STARD13: variants seen among roughly 807,000 people sequenced by gnomAD.
The protein encoded by STARD13 is StAR related lipid transfer domain containing 13, also known as stAR-related lipid transfer protein 13.
Under a neutral mutation model 106.4 loss-of-function variants are expected in STARD13, and 62 were observed. The ratio of observed to expected loss-of-function variants is 0.58; its 90% CI spans 0.48 to 0.72. The LOEUF (loss-of-function observed/expected upper bound fraction) is 0.72. Among genes scored for constraint, STARD13 ranks in the 30% least tolerant of loss-of-function variants. STARD13 has a pLI of 0.00. For missense variants in STARD13, 1,387 were observed against 1,424.0 expected, an observed-to-expected ratio of 0.97 and a Z score of 0.42; for synonymous variants, 565 against 553.0, an observed-to-expected ratio of 1.02 and a Z score of -0.31.
chr13:33,183,755 C>G (rs1258792209), intron 1 of STARD13, among the ~76,000 whole-genome samples: 1 of 152,082 alleles, frequency 6.6e-6, no homozygotes, highest in Admixed American at 6.6e-5. Context: ...GATTAGGTCA[C>G]CTTATGAGCA....
chr13:33,557,102 A>G, the STARD13 span, among the ~76,000 whole-genome samples: 1 of 152,188 alleles, frequency 6.6e-6, no homozygotes, highest in Non-Finnish European at 1.5e-5. Flanking sequence ...TTCACAAGAG[A>G]TAAGAAGTCT....
the STARD13 span, among the ~76,000 whole-genome samples, chr13:33,547,475 A>C: frequency 2.0e-5 from 3 of 152,232 alleles, no homozygotes; most frequent in African/African-American, 7.2e-5. Context: ...TAATTTTTAA[A>C]ATTACAGCAA....
At chr13:33,354,780 T>C (rs1006831326), upstream of STARD13, among the ~76,000 whole-genome samples, 7 of 151,838 alleles carry the variant, frequency 4.6e-5, no homozygotes, top group African/African-American at 1.7e-4. Context: ...TAAATATACA[T>C]ACTGATAATT....
At chr13:33,132,560 G>A (rs533979692) in intron 4 of STARD13, among the ~76,000 whole-genome samples, 13 of 152,232 alleles carry the variant, frequency 8.5e-5, no homozygotes, top group South Asian at 2.1e-4. Flanking sequence ...TATCAGCAGC[G>A]TGAAAAATGG....
chr13:33,666,140 T>A, the STARD13 span, among the ~76,000 whole-genome samples: 1 of 152,190 alleles, frequency 6.6e-6, no homozygotes, highest in Non-Finnish European at 1.5e-5. Flanking sequence ...AATCTCTAAA[T>A]GGAGGAAAAT....
the STARD13 span, among the ~76,000 whole-genome samples, chr13:33,499,630 TC>T: frequency 7.9e-6 from 1 of 126,896 alleles, no homozygotes; most frequent in Non-Finnish European, 1.6e-5. Context: ...TTCTTCTTCT[TC>T]TTCTTCTTCT....
exon 1 of STARD13, chr13:33,350,378 G>A (rs2078064076): frequency 6.5e-7 from 1 of 1,533,956 alleles, no homozygotes; most frequent in East Asian, 2.5e-5. Context: ...TGGATCTCCT[G>A]AGCTGCGTTT....
chr13:33,208,544 C>T (rs564845301), intron 1 of STARD13, among the ~76,000 whole-genome samples: 12 of 152,134 alleles, frequency 7.9e-5, no homozygotes, highest in East Asian at 1.9e-4. Flanking sequence ...TTCATACCAG[C>T]TCAGGTAGCA....
chr13:33,592,948 C>T, the STARD13 span, among the ~76,000 whole-genome samples: 1 of 152,018 alleles, frequency 6.6e-6, no homozygotes, highest in Non-Finnish European at 1.5e-5. Flanking sequence ...GACATCAGAG[C>T]TCAACATATC....
At chr13:33,621,955 C>T in the STARD13 span, among the ~76,000 whole-genome samples, 1 of 151,690 alleles carries the variant, frequency 6.6e-6, no homozygotes, top group Non-Finnish European at 1.5e-5. Flanking sequence ...CAGGTGCCCA[C>T]CACCACGCCC....
chr13:33,105,745 G>C, intron 13 of STARD13, 35 bp from the exon 14 acceptor site: 1 of 1,560,138 alleles, frequency 6.4e-7, no homozygotes, highest in Non-Finnish European at 8.8e-7. Flanking sequence ...AAGTGGGAAA[G>C]TTTGTTTCCA....
At chr13:33,444,428 A>G in the STARD13 span, among the ~76,000 whole-genome samples, 1 of 152,188 alleles carries the variant, frequency 6.6e-6, no homozygotes, top group African/African-American at 2.4e-5. Flanking sequence ...GGGTGGCTTC[A>G]GTTCCTTCTT....
intron 3 of STARD13, among the ~76,000 whole-genome samples, chr13:33,159,925 T>C (rs1299024601): frequency 2.6e-5 from 4 of 152,168 alleles, no homozygotes; most frequent in African/African-American, 9.7e-5. Context: ...GATACAGAGA[T>C]TCCACAAATC....
chr13:33,481,264 T>C, the STARD13 span, among the ~76,000 whole-genome samples: 3 of 152,274 alleles, frequency 2.0e-5, no homozygotes, highest in Non-Finnish European at 4.4e-5. Flanking sequence ...AATTCAAATA[T>C]ACTGCACTAA....
chr13:33,196,095 A>G (rs1176408801), intron 1 of STARD13, among the ~76,000 whole-genome samples: 1 of 152,258 alleles, frequency 6.6e-6, no homozygotes, highest in African/African-American at 2.4e-5. Flanking sequence ...AATATTTTTA[A>G]AGAATTAGGC....
intron 8 of STARD13, among the ~76,000 whole-genome samples, chr13:33,115,421 G>A (rs541983032): frequency 2.3e-4 from 35 of 152,228 alleles, no homozygotes; most frequent in Admixed American, 1.5e-3. Context: ...CGTCCAGTTC[G>A]GTGCCTCTTG....
chr13:33,666,904 T>C, the STARD13 span, among the ~76,000 whole-genome samples: 2 of 152,218 alleles, frequency 1.3e-5, no homozygotes, highest in Non-Finnish European at 2.9e-5. Flanking sequence ...AATGTATTAT[T>C]AACCACATAT....
the STARD13 span, among the ~76,000 whole-genome samples, chr13:33,383,230 C>G: frequency 6.6e-6 from 1 of 152,160 alleles, no homozygotes; most frequent in South Asian, 2.1e-4. Context: ...ATACTACACA[C>G]GGAGAAGAAT....
the STARD13 span, among the ~76,000 whole-genome samples, chr13:33,471,696 A>G: frequency 6.8e-6 from 1 of 147,388 alleles, no homozygotes; most frequent in Non-Finnish European, 1.5e-5. Context: ...TTTCATGCCC[A>G]TCTGCAATGC....
Sources: gnomAD v4.1 joint callset for allele counts (sites outside exome capture counted in the v4.1 genomes callset) on GRCh38, gnomAD v4.1.1 for gene constraint, MANE v1.5 for transcripts, NCBI Gene and HGNC (gene_info 2026-07-23, HGNC 2026-07-21) for gene names.